Variants in CCDC157 observed in about 807,000 individuals in gnomAD.
The protein encoded by CCDC157 is coiled-coil domain-containing protein 157.
CCDC157 carries 60 observed loss-of-function variants against 70.9 expected under a neutral mutation model. The observed-to-expected ratio is 0.85, with a 90% CI of 0.69 to 1.05. The LOEUF is 1.05. Ranked by LOEUF, CCDC157 falls within the 50% of genes least tolerant of loss-of-function variation. CCDC157 has a pLI of 0.00. For synonymous variants in CCDC157, 373 were observed against 422.4 expected (o/e 0.88, Z 1.43); for missense variants, 943 against 984.2 (o/e 0.96, Z 0.56).
rs896948908 is a variant in CCDC157, at chr22:30,373,695, G to A, written c.1434G>A (p.Gln478=). Reference sequence around the variant, plus strand: ...GCAGCCTGGACGAGGCTGAGGCCCAGCGGGCCCGCGTGGAGGAGCAGCTGC... The same window carrying A: ...GCAGCCTGGACGAGGCTGAGGCCCAACGGGCCCGCGTGGAGGAGCAGCTGC... The part of the protein sequence containing the change: ...LRGSLDEAEA[Q]RARVEEQLQS... The change falls in exon 8 of 12, where the codon CAG becomes CAA. Residue 478 remains glutamine (Q), a synonymous_variant. Coordinates refer to ENST00000338306, the MANE Select transcript of CCDC157 (RefSeq NM_001017437.5). The A allele has an allele frequency of 6.4e-7, 1 of 1,553,338 alleles. No individual in the cohort carries two copies. The highest frequency in any genetic ancestry group is 8.7e-7 in the Non-Finnish European group (1 of 1,148,746).
chr22:30,365,851 G>A, intron 2 of CCDC157, 139 bp from the exon 3 acceptor site: 2 of 840,864 alleles, frequency 2.4e-6, no homozygotes, highest in East Asian at 5.4e-5. Context: ...GTCACCTGGG[G>A]CTGGGAAACA....
Position 30,370,442 on chromosome 22 carries a change from CT to C in CCDC157, c.539del (p.Leu180CysfsTer72). On this transcript the variant is annotated frameshift_variant, in exon 5 of 12. Transcript: ENST00000338306. LOFTEE classifies it high-confidence loss of function. ...LIKPSSPVLG[L>X]PQTCQEPESI... ...TCAAGCCCTCCTCCCCAGTGCTAGG[CT>C]TGCCCCAGACCTGCCAAGAGCCAGA... 1 of 1,614,144 alleles carries C rather than the reference CT, an allele frequency of 6.2e-7. No homozygotes were observed. Among genetic ancestry groups the C allele is most frequent in the African/African-American group, 1.3e-5 (1 of 75,066 alleles).
At chr22:30,365,146 G>A (rs755754987) in intron 2 of CCDC157, among the ~76,000 whole-genome samples, 12 of 152,330 alleles carry the variant, frequency 7.9e-5, no homozygotes, top group Non-Finnish European at 1.6e-4. Flanking sequence ...AGCATGGAGG[G>A]TACTCAGGGA....
intron 3 of CCDC157, among the ~76,000 whole-genome samples, chr22:30,368,048 AAAAC>A (rs758278114): frequency 2.2e-4 from 33 of 152,318 alleles, no homozygotes; most frequent in African/African-American, 5.3e-4. Context: ...AGACTGTCTC[AAAAC>A]AAACAAACAA....
chr22:30,378,109 C>T lies in CCDC157; in HGVS notation c.*1364C>T, dbSNP rs987161033. The T allele has an allele frequency of 6.4e-6, 3 of 470,976 alleles. No individual in the cohort carries two copies. The highest frequency in any genetic ancestry group is 1.3e-5 in the Non-Finnish European group (3 of 227,038). 29.2% of individuals were successfully genotyped at this position (470,976 alleles called of 1,614,324 possible). A position where few individuals can be genotyped will look rare whatever the true frequency, so the allele number is the denominator to read the frequency against. On this transcript the variant is annotated 3_prime_UTR_variant, in exon 12 of 12. Coordinates refer to ENST00000338306, the MANE Select transcript of CCDC157 (RefSeq NM_001017437.5). ...CAGGTCCTCTCACGGCTCCTAGAGG[C>T]CGTCCACCTTCCTTGCCATGGGGCT...
intron 3 of CCDC157, among the ~76,000 whole-genome samples, chr22:30,367,717 T>TTCTGGGGACTGTA (rs1932781659): frequency 6.6e-6 from 1 of 151,860 alleles, no homozygotes; most frequent in Admixed American, 6.6e-5. Context: ...GCCTTTCACA[T>TTCTGGGGACTGTA]TCTGGGGACT....
At chr22:30,363,629 A>T (rs1020875969) in intron 2 of CCDC157, among the ~76,000 whole-genome samples, 6 of 151,066 alleles carry the variant, frequency 4.0e-5, no homozygotes, top group Admixed American at 2.0e-4. Context: ...ACTAGTTTAT[A>T]GTGATCTATT....
At chr22:30,362,439 T>A (rs961013176) in intron 2 of CCDC157, among the ~76,000 whole-genome samples, 2 of 152,046 alleles carry the variant, frequency 1.3e-5, no homozygotes, top group Non-Finnish European at 2.9e-5. Flanking sequence ...GGGAGGTGTC[T>A]TATCTAGAAG....
intron 10 of CCDC157, chr22:30,375,978 A>T (rs971319039): frequency 3.8e-6 from 2 of 533,228 alleles, no homozygotes; most frequent in East Asian, 3.2e-5. Flanking sequence ...ACTCGAGCCC[A>T]GGAGTTTGAG....
chr22:30,374,468 A>G (rs1933196022), intron 9 of CCDC157: 1 of 473,712 alleles, frequency 2.1e-6, no homozygotes, highest in African/African-American at 2.0e-5. Context: ...CCATGGGACT[A>G]GTCCCAAGGA....
Position 30,378,306 on chromosome 22 carries a change from A to T in CCDC157, c.*1561A>T. On this transcript the variant is annotated 3_prime_UTR_variant, in exon 12 of 12. Coordinates refer to ENST00000338306, the MANE Select transcript of CCDC157 (RefSeq NM_001017437.5). Reference sequence around the variant, plus strand: ...TTCCCTATCTTCAGGTCAGCTTGCTATAAGACAGAACCCAACCATGGGCAT... The same window carrying T: ...TTCCCTATCTTCAGGTCAGCTTGCTTTAAGACAGAACCCAACCATGGGCAT... 2.7e-6 allele frequency: 1 copy of T among 365,956 alleles called. No homozygotes were observed. 22.7% of individuals were successfully genotyped at this position (365,956 alleles called of 1,614,324 possible). A position where few individuals can be genotyped will look rare whatever the true frequency, so the allele number is the denominator to read the frequency against.
chr22:30,374,554 A>G (rs992015994), intron 9 of CCDC157: 1 of 458,386 alleles, frequency 2.2e-6, no homozygotes, highest in African/African-American at 2.0e-5. Flanking sequence ...ACAGGATTGG[A>G]TATCAGGTGA....
At chr22:30,375,300 AT>A in intron 9 of CCDC157, 178 bp from the exon 10 acceptor site, 1 of 604,064 alleles carries the variant, frequency 1.7e-6, no homozygotes, top group Middle Eastern at 3.7e-4. Context: ...CAGCTCTCAG[AT>A]TTTATAATAC....
intron 2 of CCDC157, among the ~76,000 whole-genome samples, chr22:30,364,370 A>G (rs1016989882): frequency 1.3e-5 from 2 of 152,180 alleles, no homozygotes; most frequent in Non-Finnish European, 2.9e-5. Context: ...AAAAAAGAAA[A>G]GACAAATTTA....
At chr22:30,364,829 AC>A (rs777592573) in intron 2 of CCDC157, among the ~76,000 whole-genome samples, 2 of 151,222 alleles carry the variant, frequency 1.3e-5, no homozygotes, top group African/African-American at 2.4e-5. Flanking sequence ...AAAAAAAAAA[AC>A]CAAAAAACAT....
chr22:30,370,869 CA>C lies in CCDC157; in HGVS notation c.965del (p.Gln322ArgfsTer32), dbSNP rs1932907024. 6.2e-7 allele frequency: 1 copy of C among 1,612,008 alleles called. No individual in the cohort carries two copies. Among genetic ancestry groups the C allele is most frequent in the African/African-American group, 1.3e-5 (1 of 74,908 alleles). On this transcript the variant is annotated frameshift_variant, in exon 5 of 12. Coordinates refer to ENST00000338306, the MANE Select transcript of CCDC157 (RefSeq NM_001017437.5). LOFTEE classifies it high-confidence loss of function. ...GCTGGAGCAGGCGCTGAAACAGGAGCAGGGGGCACGGCGGCGACAGGCGGAG... is the reference window on the plus strand; with the variant it reads ...GCTGGAGCAGGCGCTGAAACAGGAGCGGGGGCACGGCGGCGACAGGCGGAG... ...GKLEQALKQE[Q>X]GARRRQAEED...
At position 30,371,719 on chromosome 22, in the gene CCDC157, A is replaced by G. The variant is rs149676692; in HGVS notation, c.1115A>G (p.Gln372Arg). The change falls in exon 6 of 12, where the codon CAG (glutamine) becomes CGG (arginine). Residue 372 changes from glutamine to arginine, a missense_variant. Gln to Arg is a conservative substitution (Grantham distance 43). Transcript: ENST00000338306. ...RELKQQREST[Q>R]AVEAKAQQLQ... ...CTGAAACAGCAGCGGGAGTCCACAC[A>G]GGCTGTGGGTAAGGAGCCCCATCAT... The G allele has an allele frequency of 1.4e-4, 222 of 1,613,744 alleles. No individual in the cohort carries two copies. In the African/African-American group the frequency reaches 2.1e-3, roughly 15 times the overall value.
Position 30,376,940 on chromosome 22 carries a change from C to T in CCDC157, c.*195C>T, listed in dbSNP as rs546759410. 4.9e-5 allele frequency: 30 copies of T among 612,338 alleles called. No individual in the cohort carries two copies. Among genetic ancestry groups the T allele is most frequent in the African/African-American group, 4.8e-4 (26 of 54,152 alleles). The allele number at this position is 612,338 out of a possible 1,614,324, so 37.9% of individuals were successfully genotyped here. On this transcript the variant is annotated 3_prime_UTR_variant, in exon 12 of 12. Transcript: ENST00000338306. ...GTTCAGTCAGTCAGCAGAGTCCTGG[C>T]ACTATGGGCCCTCAGTAAAAGGGGC...
Position 30,375,958 on chromosome 22 carries a change from C to T in CCDC157, c.1857+295C>T, listed in dbSNP as rs553050115. On this transcript the variant is annotated intron_variant, in intron 10 of 11. Transcript: ENST00000338306. ...ATCCCAACAATTTGAGAGGCTGAGG[C>T]GGGCAGATCACTCGAGCCCAGGAGT... The T allele has an allele frequency of 3.9e-5, 21 of 532,338 alleles. No homozygotes were observed. Among genetic ancestry groups the T allele is most frequent in the Admixed American group, 1.1e-4 (3 of 27,154 alleles). The allele number at this position is 532,338 out of a possible 1,614,324, so 33.0% of individuals were successfully genotyped here.
Sources: allele counts gnomAD v4.1 joint callset (sites outside exome capture counted in the v4.1 genomes callset), GRCh38; gene constraint gnomAD v4.1.1; transcripts MANE v1.5; gene names NCBI Gene and HGNC (gene_info 2026-07-23, HGNC 2026-07-21).